Variants in GRIP1 observed in about 807,000 individuals in gnomAD.
The protein encoded by GRIP1 is glutamate receptor-interacting protein 1.
A neutral mutation model predicts 129.9 loss-of-function variants in GRIP1; 45 were observed. The observed-to-expected ratio is 0.35, with a 90% CI of 0.27 to 0.44. The LOEUF (loss-of-function observed/expected upper bound fraction) is 0.44. Ranked by LOEUF, GRIP1 falls within the 20% of genes least tolerant of loss-of-function variation. GRIP1 has a pLI of 1.00. For synonymous variants in GRIP1, 530 were observed against 520.8 expected (o/e 1.02, Z -0.24); for missense variants, 1,196 against 1,396.8 (o/e 0.86, Z 2.29).
At chr12:66,569,002 T>C (rs1045253931) in intron 2 of GRIP1, 6 of 474,696 alleles carry the variant, frequency 1.3e-5, no homozygotes, top group Admixed American at 2.2e-5. Flanking sequence ...TATAATTCTA[T>C]CTGCGTGCTT....
intron 1 of GRIP1, among the ~76,000 whole-genome samples, chr12:67,042,979 T>A (rs2043201580): frequency 6.6e-6 from 1 of 152,186 alleles, no homozygotes; most frequent in Non-Finnish European, 1.5e-5. Context: ...TAGCACAATT[T>A]GGAATGACAA....
chr12:66,868,815 G>A (rs1016015960), intron 1 of GRIP1, among the ~76,000 whole-genome samples: 4 of 152,096 alleles, frequency 2.6e-5, no homozygotes, highest in Non-Finnish European at 4.4e-5. Context: ...AAATCCCCAG[G>A]AGTGGTTGGA....
chr12:67,065,859 ATTAC>A (rs2043615524), intron 1 of GRIP1, among the ~76,000 whole-genome samples: 1 of 145,738 alleles, frequency 6.9e-6, no homozygotes, highest in South Asian at 2.1e-4. Flanking sequence ...CAATGAATAC[ATTAC>A]TTAATTTAAT....
intron 1 of GRIP1, among the ~76,000 whole-genome samples, chr12:67,041,778 A>G (rs1344811471): frequency 6.6e-6 from 1 of 152,086 alleles, no homozygotes; most frequent in Non-Finnish European, 1.5e-5. Context: ...GACAAAAAAA[A>G]AAACAACCCT....
chr12:66,849,653 C>T (rs1305695543), intron 1 of GRIP1, among the ~76,000 whole-genome samples: 1 of 152,098 alleles, frequency 6.6e-6, no homozygotes, highest in African/African-American at 2.4e-5. Context: ...ATTTACCTTC[C>T]TTCCTCACCC....
At chr12:66,576,836 G>A (rs1015812016) in intron 2 of GRIP1, among the ~76,000 whole-genome samples, 1 of 152,176 alleles carries the variant, frequency 6.6e-6, no homozygotes, top group African/African-American at 2.4e-5. Flanking sequence ...ACCCCTCAAG[G>A]GTGGAAACCT....
At chr12:66,827,701 T>C (rs767409646) in intron 1 of GRIP1, among the ~76,000 whole-genome samples, 1 of 152,170 alleles carries the variant, frequency 6.6e-6, no homozygotes, top group South Asian at 2.1e-4. Flanking sequence ...AATGACAATG[T>C]TGATTTGAAA....
At chr12:66,977,121 A>G (rs2137601676) in intron 1 of GRIP1, among the ~76,000 whole-genome samples, 1 of 152,304 alleles carries the variant, frequency 6.6e-6, no homozygotes, top group South Asian at 2.1e-4. Flanking sequence ...AGAAAGATTC[A>G]TCAATTTTGG....
chr12:66,376,407 A>G (rs2137342046), intron 22 of GRIP1, among the ~76,000 whole-genome samples: 2 of 152,354 alleles, frequency 1.3e-5, no homozygotes, highest in South Asian at 4.1e-4. Flanking sequence ...TACAGCTCAG[A>G]AAATTTAAAA....
At chr12:66,768,968 C>G (rs1006616409) in intron 1 of GRIP1, among the ~76,000 whole-genome samples, 2 of 152,164 alleles carry the variant, frequency 1.3e-5, no homozygotes, top group African/African-American at 4.8e-5. Flanking sequence ...CTCTTGAGAA[C>G]CAATGGTATG....
intron 1 of GRIP1, among the ~76,000 whole-genome samples, chr12:66,899,203 T>C (rs764774072): frequency 1.3e-5 from 2 of 152,274 alleles, no homozygotes; most frequent in Non-Finnish European, 2.9e-5. Context: ...CCATAGAAAG[T>C]TGCAGGAAGG....
intron 1 of GRIP1, among the ~76,000 whole-genome samples, chr12:66,603,672 CAT>C (rs1457357289): frequency 1.3e-5 from 2 of 152,236 alleles, no homozygotes; most frequent in African/African-American, 4.8e-5. Flanking sequence ...GAATGCCAGT[CAT>C]ATCAGCAAAT....
At chr12:66,375,517 A>C (rs2137332929) in intron 22 of GRIP1, among the ~76,000 whole-genome samples, 1 of 152,356 alleles carries the variant, frequency 6.6e-6, no homozygotes, top group African/African-American at 2.4e-5. Flanking sequence ...TTAAACCAAT[A>C]AATAAATATT....
In GRIP1 at chr12:66,661,056, TATACAG is replaced by T. The variant is rs553529138; in HGVS notation, c.55+17788_55+17793del. On this transcript the variant is annotated intron_variant, in intron 1 of 24. Coordinates refer to ENST00000359742, the MANE Select transcript of GRIP1 (RefSeq NM_001366722.1). ...TCATTTTAGGAAAATAAAAGCATAA[TATACAG>T]ATAAATAATGGCTTTCCTGGAAACG... Among the ~76,000 whole-genome samples, 579 of 152,128 alleles carry T rather than the reference TATACAG, an allele frequency of 3.8e-3. 5 individuals carry two copies. Among genetic ancestry groups the T allele is most frequent in the African/African-American group, 0.013 (552 of 41,526 alleles).
intron 1 of GRIP1, among the ~76,000 whole-genome samples, chr12:66,839,337 T>C (rs1428610997): frequency 2.0e-5 from 3 of 152,174 alleles, no homozygotes; most frequent in African/African-American, 7.2e-5. Context: ...CAGATGCAGA[T>C]GACTCCTATG....
intron 1 of GRIP1, among the ~76,000 whole-genome samples, chr12:66,863,356 A>G (rs1458576563): frequency 1.3e-5 from 2 of 152,182 alleles, no homozygotes; most frequent in Non-Finnish European, 2.9e-5. Flanking sequence ...CTAATAGGGT[A>G]AGACAGGCAA....
intron 1 of GRIP1, among the ~76,000 whole-genome samples, chr12:66,605,710 T>C (rs1304049885): frequency 6.6e-6 from 1 of 152,174 alleles, no homozygotes; most frequent in Admixed American, 6.5e-5. Context: ...CTATGATCTT[T>C]CCTTCTTTTT....
chr12:66,934,650 T>C (rs1316645), intron 1 of GRIP1, among the ~76,000 whole-genome samples: 50,022 of 152,114 alleles, frequency 0.33, 8,358 homozygotes, highest in East Asian at 0.53. Context: ...ACTTGTGAAA[T>C]GATCAAGTTC....
chr12:66,963,493 A>G (rs1452670145), intron 1 of GRIP1, among the ~76,000 whole-genome samples: 1 of 152,160 alleles, frequency 6.6e-6, no homozygotes, highest in Non-Finnish European at 1.5e-5. Context: ...AAGAAAAAGA[A>G]GGAATAAGGA....
Sources: gnomAD v4.1 joint callset for allele counts (sites outside exome capture counted in the v4.1 genomes callset) on GRCh38, gnomAD v4.1.1 for gene constraint, MANE v1.5 for transcripts, NCBI Gene and HGNC (gene_info 2026-07-23, HGNC 2026-07-21) for gene names.